Variants in TBC1D5 observed in about 807,000 individuals in gnomAD.
The protein encoded by TBC1D5 is TBC1 domain family member 5, also known as TBC1 domain family, member 5.
Under a neutral mutation model 100.3 loss-of-function variants are expected in TBC1D5, and 75 were observed. The ratio of observed to expected loss-of-function variants is 0.75; its 90% CI spans 0.62 to 0.91. The LOEUF (loss-of-function observed/expected upper bound fraction) is 0.91, where lower values mean the gene tolerates loss of function less well. TBC1D5 is among the 40% of genes least tolerant of loss of function. TBC1D5 has a pLI of 0.00. For synonymous variants in TBC1D5, 323 were observed against 325.6 expected, an observed-to-expected ratio of 0.99 and a Z score of 0.09; for missense variants, 910 against 942.4, an observed-to-expected ratio of 0.97 and a Z score of 0.45.
chr3:17,616,099 A>T lies in TBC1D5; in HGVS notation c.-36+7750T>A, dbSNP rs1038833404. Reference sequence around the variant, plus strand: ...TCTGGTACGTTGTGTCTTTGTTCTCATTGGTTTCAAAGAACATCTTTATTT... The same window carrying T: ...TCTGGTACGTTGTGTCTTTGTTCTCTTTGGTTTCAAAGAACATCTTTATTT... On this transcript the variant is annotated intron_variant, in intron 2 of 21. Coordinates refer to ENST00000253692, the Ensembl canonical transcript of TBC1D5. 3.3e-5 allele frequency among the ~76,000 whole-genome samples: 5 copies of T among 152,246 alleles called. No homozygotes were observed. In the South Asian group the frequency reaches 1.0e-3, roughly 32 times the overall value.
At chr3:17,635,157 A>G (rs1430025122) in intron 1 of TBC1D5, among the ~76,000 whole-genome samples, 1 of 152,228 alleles carries the variant, frequency 6.6e-6, no homozygotes, top group African/African-American at 2.4e-5. Flanking sequence ...ATCTGCTATC[A>G]ACAGAGATGG....
At chr3:17,260,193 C>T (rs1446211986) in intron 15 of TBC1D5, among the ~76,000 whole-genome samples, 3 of 152,148 alleles carry the variant, frequency 2.0e-5, no homozygotes, top group Non-Finnish European at 2.9e-5. Flanking sequence ...TCGCTCATGA[C>T]TAATTTTGCC....
At chr3:17,723,329 T>G (rs2153970343) in intron 1 of TBC1D5, among the ~76,000 whole-genome samples, 1 of 152,020 alleles carries the variant, frequency 6.6e-6, no homozygotes. Flanking sequence ...ATTAAAAAAT[T>G]TAAGAAACCA....
chr3:17,363,262 A>T (rs1328590743), intron 13 of TBC1D5, among the ~76,000 whole-genome samples: 2 of 152,114 alleles, frequency 1.3e-5, no homozygotes, highest in Non-Finnish European at 2.9e-5. Flanking sequence ...CTTTTATTCT[A>T]CTGATGCACT....
chr3:17,460,970 G>T (rs549338838), intron 3 of TBC1D5, among the ~76,000 whole-genome samples: 1 of 152,280 alleles, frequency 6.6e-6, no homozygotes, highest in East Asian at 1.9e-4. Context: ...GACTAATATA[G>T]AAGTCTTGGC....
chr3:17,700,720 C>T (rs537673202), intron 1 of TBC1D5, among the ~76,000 whole-genome samples: 7 of 152,194 alleles, frequency 4.6e-5, no homozygotes, highest in South Asian at 4.1e-4. Flanking sequence ...CCAACAGACA[C>T]GTGAAAAAAT....
chr3:17,410,669 G>T (rs1423352687), intron 4 of TBC1D5, among the ~76,000 whole-genome samples: 1 of 152,070 alleles, frequency 6.6e-6, no homozygotes. Flanking sequence ...ATGACTTGGA[G>T]GGGTTTCAAG....
intron 13 of TBC1D5, among the ~76,000 whole-genome samples, chr3:17,364,635 T>C (rs940696690): frequency 6.6e-6 from 1 of 152,224 alleles, no homozygotes; most frequent in Non-Finnish European, 1.5e-5. Context: ...GGATATTGTC[T>C]ATAAAGCCAG....
At chr3:17,357,788 C>T (rs150510049) in intron 13 of TBC1D5, among the ~76,000 whole-genome samples, 44 of 152,248 alleles carry the variant, frequency 2.9e-4, no homozygotes, top group African/African-American at 9.9e-4. Flanking sequence ...TTTTCTGTTG[C>T]GTTCCATTGA....
intron 1 of TBC1D5, among the ~76,000 whole-genome samples, chr3:17,689,310 T>C (rs1294742838): frequency 6.6e-6 from 1 of 151,834 alleles, no homozygotes; most frequent in Non-Finnish European, 1.5e-5. Context: ...GAGGCCAAAG[T>C]GGGCAGATTG....
At chr3:17,622,668 A>G (rs983035203) in intron 2 of TBC1D5, 6 of 151,966 alleles carry the variant, frequency 3.9e-5, no homozygotes, top group African/African-American at 1.2e-4. Flanking sequence ...CAGGTCTTTT[A>G]ATACATCAAC....
At chr3:17,407,386 T>C (rs1398587624) in intron 4 of TBC1D5, among the ~76,000 whole-genome samples, 1 of 152,186 alleles carries the variant, frequency 6.6e-6, no homozygotes, top group African/African-American at 2.4e-5. Flanking sequence ...CTACTGAGAT[T>C]AGCTTTATGA....
intron 3 of TBC1D5, among the ~76,000 whole-genome samples, chr3:17,506,321 A>T (rs962185291): frequency 6.6e-6 from 1 of 152,222 alleles, no homozygotes; most frequent in Non-Finnish European, 1.5e-5. Context: ...CACAAAGCCC[A>T]CTATGGTTAG....
At chr3:17,386,058 G>C (rs1042001848) in intron 8 of TBC1D5, among the ~76,000 whole-genome samples, 2 of 152,076 alleles carry the variant, frequency 1.3e-5, no homozygotes, top group African/African-American at 2.4e-5. Context: ...ATAAAAGATA[G>C]GTAAGTAGTT....
chr3:17,235,601 T>C (rs994584008), intron 17 of TBC1D5, among the ~76,000 whole-genome samples: 2 of 152,200 alleles, frequency 1.3e-5, no homozygotes, highest in Non-Finnish European at 1.5e-5. Flanking sequence ...GTTGGAGAAG[T>C]ATTTTTCACT....
intron 4 of TBC1D5, among the ~76,000 whole-genome samples, chr3:17,426,556 CA>C (rs1220006807): frequency 6.6e-6 from 1 of 151,988 alleles, no homozygotes; most frequent in African/African-American, 2.4e-5. Flanking sequence ...TCTAACATTA[CA>C]ACATTGATTT....
intron 2 of TBC1D5, among the ~76,000 whole-genome samples, chr3:17,522,579 C>A (rs1378170615): frequency 1.3e-5 from 2 of 152,112 alleles, no homozygotes; most frequent in Non-Finnish European, 2.9e-5. Flanking sequence ...ATTCTATAAA[C>A]TCTACATAGA....
chr3:17,166,878 C>T, exon 21 of TBC1D5: 1 of 1,614,020 alleles, frequency 6.2e-7, no homozygotes, highest in Non-Finnish European at 8.5e-7. Context: ...TCTCTTCGGC[C>T]TCTAGCTGGC....
chr3:17,653,407 C>G (rs2065769913), intron 1 of TBC1D5, among the ~76,000 whole-genome samples: 1 of 152,084 alleles, frequency 6.6e-6, no homozygotes, highest in East Asian at 1.9e-4. Context: ...AGGACATCAT[C>G]TCTACAGTAT....
Sources: allele counts gnomAD v4.1 joint callset (sites outside exome capture counted in the v4.1 genomes callset), GRCh38; gene constraint gnomAD v4.1.1; transcripts MANE v1.5; gene names NCBI Gene and HGNC (gene_info 2026-07-23, HGNC 2026-07-21).